Variants in ANKRD26 observed in about 807,000 individuals in gnomAD.
The protein encoded by ANKRD26 is ankyrin repeat domain 26.
Under a neutral mutation model 208.7 loss-of-function variants are expected in ANKRD26, and 141 were observed. The ratio of observed to expected loss-of-function variants is 0.68; its 90% CI spans 0.59 to 0.78. The LOEUF is 0.78. ANKRD26 is among the 30% of genes least tolerant of loss of function. ANKRD26 has a pLI of 0.00. For synonymous variants in ANKRD26, 636 were observed against 660.4 expected (o/e 0.96, Z 0.57); for missense variants, 1,889 against 1,938.7 (o/e 0.97, Z 0.48).
At chr10:27,095,542 C>G (rs918611468) in intron 1 of ANKRD26, among the ~76,000 whole-genome samples, 2 of 152,164 alleles carry the variant, frequency 1.3e-5, no homozygotes, top group African/African-American at 4.8e-5. Flanking sequence ...GTGGTACATG[C>G]CTGTAATCCC....
chr10:27,021,678 A>G (rs576235905), intron 29 of ANKRD26, among the ~76,000 whole-genome samples: 10 of 152,064 alleles, frequency 6.6e-5, no homozygotes, highest in Non-Finnish European at 1.5e-4. Context: ...TATATTCTGG[A>G]TATTAGTCCC....
chr10:27,066,011 C>T (rs529714404), intron 11 of ANKRD26, among the ~76,000 whole-genome samples: 30 of 151,496 alleles, frequency 2.0e-4, no homozygotes, highest in African/African-American at 6.3e-4. Flanking sequence ...TACAGGCACA[C>T]GCCACCACAC....
chr10:27,078,354 C>T (rs2135582666), intron 7 of ANKRD26, among the ~76,000 whole-genome samples: 1 of 151,998 alleles, frequency 6.6e-6, no homozygotes, highest in Non-Finnish European at 1.5e-5. Context: ...TGGAGACAGA[C>T]ATGGACTGAA....
rs539837222 is a variant in ANKRD26, at chr10:27,005,501, C to A, written c.*89G>T. 9.5e-5 allele frequency: 147 copies of A among 1,544,284 alleles called. 1 individual carries two copies. The highest frequency in any genetic ancestry group is 1.2e-4 in the Non-Finnish European group (139 of 1,143,868). On this transcript the variant is annotated 3_prime_UTR_variant, in exon 34 of 34. Transcript: ENST00000376087. ...ATCTGACATATATGATACAAAAATA[C>A]GTTCCTTTAATATTTTTACATGTCA... is the stretch of plus-strand genomic sequence containing the variant.
chr10:27,036,123 T>C (rs373072542), intron 23 of ANKRD26, among the ~76,000 whole-genome samples: 5 of 152,188 alleles, frequency 3.3e-5, no homozygotes, highest in African/African-American at 1.2e-4. Context: ...CACCAACCCA[T>C]AGTAAGAGCC....
At chr10:27,090,141 G>A (rs538059929) in intron 4 of ANKRD26, among the ~76,000 whole-genome samples, 1 of 152,194 alleles carries the variant, frequency 6.6e-6, no homozygotes, top group East Asian at 1.9e-4. Context: ...GGCATGAGGG[G>A]TGTTCTAAAA....
chr10:26,950,996 C>CT, the ANKRD26 span, among the ~76,000 whole-genome samples: 12 of 107,822 alleles, frequency 1.1e-4, no homozygotes, highest in African/African-American at 4.8e-4. Context: ...TATCCCTTTT[C>CT]TTTTTTCTTT....
the ANKRD26 span, among the ~76,000 whole-genome samples, chr10:26,953,879 C>T: frequency 4.6e-5 from 7 of 152,144 alleles, no homozygotes; most frequent in African/African-American, 1.2e-4. Context: ...CTTGCTGGGA[C>T]GTGCATCAAG....
In ANKRD26 at chr10:27,086,620, A is replaced by T. The variant is rs756579578; in HGVS notation, c.639-11T>A. On this transcript the variant is annotated splice_polypyrimidine_tract_variant and intron_variant, in intron 4 of 33. Coordinates refer to ENST00000376087, the MANE Select transcript of ANKRD26 (RefSeq NM_014915.3). ...ATTAGTTGGTGACTGCTATGTATAG[A>T]AAAATGTAACAAAATTATGTTAATA... The T allele has an allele frequency of 2.6e-5, 41 of 1,597,302 alleles. No homozygotes were observed. The highest frequency in any genetic ancestry group is 3.5e-5 in the Non-Finnish European group (41 of 1,171,222).
At chr10:27,029,893 C>G (rs1310496752) in intron 25 of ANKRD26, among the ~76,000 whole-genome samples, 1 of 152,082 alleles carries the variant, frequency 6.6e-6, no homozygotes, top group Non-Finnish European at 1.5e-5. Flanking sequence ...GGGTGGGAAT[C>G]CCAGCTCCAC....
downstream of ANKRD26, among the ~76,000 whole-genome samples, chr10:26,969,246 G>C (rs1286680333): frequency 1.3e-5 from 2 of 152,204 alleles, no homozygotes; most frequent in African/African-American, 4.8e-5. Context: ...ATTCCAGGCT[G>C]TCAGGAAATA....
chr10:26,948,281 T>C, the ANKRD26 span, among the ~76,000 whole-genome samples: 1 of 152,222 alleles, frequency 6.6e-6, no homozygotes, highest in South Asian at 2.1e-4. Flanking sequence ...TGGGTAATTA[T>C]AATCAACATT....
downstream of ANKRD26, among the ~76,000 whole-genome samples, chr10:27,002,062 GAT>G (rs1020444301): frequency 6.6e-6 from 1 of 152,158 alleles, no homozygotes; most frequent in Admixed American, 6.5e-5. Context: ...CGGGGGAAAG[GAT>G]AGTCCCACGT....
chr10:27,006,610 A>G (rs2052891421), intron 33 of ANKRD26, among the ~76,000 whole-genome samples: 1 of 152,198 alleles, frequency 6.6e-6, no homozygotes, highest in African/African-American at 2.4e-5. Context: ...TAATTTCTGC[A>G]TGCTGGCTAC....
chr10:26,972,402 G>T (rs80112731), downstream of ANKRD26, among the ~76,000 whole-genome samples: 3 of 151,862 alleles, frequency 2.0e-5, no homozygotes, highest in African/African-American at 7.3e-5. Context: ...AGGAATAAAT[G>T]TACTAAGAAA....
intron 5 of ANKRD26, among the ~76,000 whole-genome samples, chr10:26,980,324 G>C (rs1392052383): frequency 2.0e-5 from 3 of 152,110 alleles, no homozygotes; most frequent in Non-Finnish European, 4.4e-5. Context: ...CATCCTATTG[G>C]ACCTTTGGAA....
chr10:27,046,736 C>T (rs2054461110), intron 17 of ANKRD26, among the ~76,000 whole-genome samples: 1 of 151,982 alleles, frequency 6.6e-6, no homozygotes, highest in South Asian at 2.1e-4. Flanking sequence ...ACACGAATTA[C>T]CAACAACATA....
intron 4 of ANKRD26, among the ~76,000 whole-genome samples, chr10:26,996,286 G>A (rs1449169328): frequency 6.6e-6 from 1 of 152,134 alleles, no homozygotes; most frequent in Non-Finnish European, 1.5e-5. Flanking sequence ...AAAAGGCCGG[G>A]CACAGTGGCT....
intron 24 of ANKRD26, among the ~76,000 whole-genome samples, chr10:27,033,633 TC>T (rs1009406424): frequency 6.6e-6 from 1 of 152,168 alleles, no homozygotes; most frequent in Non-Finnish European, 1.5e-5. Flanking sequence ...TATTCATTCA[TC>T]CCCCCATGAA....
Sources: allele counts gnomAD v4.1 joint callset (sites outside exome capture counted in the v4.1 genomes callset), GRCh38; gene constraint gnomAD v4.1.1; transcripts MANE v1.5; gene names NCBI Gene and HGNC (gene_info 2026-07-23, HGNC 2026-07-21).